Variants in DAG1 observed in about 807,000 individuals in gnomAD.
The protein encoded by DAG1 is dystroglycan 1 (dystrophin-associated glycoprotein 1).
Under a neutral mutation model 46.1 loss-of-function variants are expected in DAG1, and 8 were observed. The ratio of observed to expected loss-of-function variants is 0.17; its 90% confidence interval spans 0.10 to 0.31. DAG1 has a LOEUF of 0.31. DAG1 is among the 10% of genes least tolerant of loss of function. DAG1 has a pLI of 1.00. For missense variants in DAG1, 1,003 were observed against 1,189.9 expected (o/e 0.84, Z 2.31); for synonymous variants, 495 against 481.8 (o/e 1.03, Z -0.36).
At chr3:49,476,617 T>C (rs1419951265) in intron 1 of DAG1, among the ~76,000 whole-genome samples, 1 of 152,166 alleles carries the variant, frequency 6.6e-6, no homozygotes, top group Non-Finnish European at 1.5e-5. Context: ...AAAATACCAC[T>C]GTCTAAAATA....
chr3:49,492,492 A>C (rs1429548795), intron 1 of DAG1, among the ~76,000 whole-genome samples: 1 of 152,008 alleles, frequency 6.6e-6, no homozygotes, highest in Non-Finnish European at 1.5e-5. Flanking sequence ...ACAAAAGATA[A>C]AAAATTAGCC....
chr3:49,495,981 C>G (rs535397913), intron 1 of DAG1, among the ~76,000 whole-genome samples: 1 of 152,104 alleles, frequency 6.6e-6, no homozygotes, highest in South Asian at 2.1e-4. Context: ...GATGGTTTGG[C>G]CTGGTCCTTA....
At chr3:49,477,390 C>G (rs186949628) in intron 1 of DAG1, among the ~76,000 whole-genome samples, 2 of 152,162 alleles carry the variant, frequency 1.3e-5, no homozygotes, top group African/African-American at 2.4e-5. Context: ...CTCCTAGGCT[C>G]AAGCCATCCT....
intron 1 of DAG1, among the ~76,000 whole-genome samples, chr3:49,474,562 T>C: frequency 6.6e-6 from 1 of 151,982 alleles, no homozygotes; most frequent in East Asian, 1.9e-4. Context: ...CCCAGGCTGA[T>C]CTCGAACTCC....
chr3:49,527,411 C>T (rs180950516), intron 2 of DAG1, among the ~76,000 whole-genome samples: 1 of 151,392 alleles, frequency 6.6e-6, no homozygotes, highest in Non-Finnish European at 1.5e-5. Flanking sequence ...GTAGTCCCAG[C>T]TACAGGAGAA....
intron 1 of DAG1, among the ~76,000 whole-genome samples, chr3:49,496,928 A>T (rs2050328438): frequency 6.6e-6 from 1 of 151,004 alleles, no homozygotes; most frequent in South Asian, 2.1e-4. Flanking sequence ...CCTGGCCTAA[A>T]TTTTTTTTTG....
intron 1 of DAG1, among the ~76,000 whole-genome samples, chr3:49,484,115 T>G (rs2049954294): frequency 6.6e-6 from 1 of 152,204 alleles, no homozygotes; most frequent in Non-Finnish European, 1.5e-5. Flanking sequence ...GATTCCTGTC[T>G]GACTCTCTTC....
chr3:49,505,097 C>T (rs1186462210), intron 1 of DAG1, among the ~76,000 whole-genome samples: 1 of 151,408 alleles, frequency 6.6e-6, no homozygotes. Flanking sequence ...TGGGCTCAAG[C>T]GATCCTCCCA....
chr3:49,500,354 T>C (rs565204494), intron 1 of DAG1, among the ~76,000 whole-genome samples: 3 of 152,106 alleles, frequency 2.0e-5, no homozygotes, highest in South Asian at 4.1e-4. Context: ...GTCCCACATA[T>C]CACAACTGGG....
intron 1 of DAG1, among the ~76,000 whole-genome samples, chr3:49,505,311 A>G (rs917850519): frequency 6.6e-6 from 1 of 151,936 alleles, no homozygotes; most frequent in African/African-American, 2.4e-5. Context: ...TATGTTGCCA[A>G]GGCTGGTGTC....
At position 49,531,714 on chromosome 3, in the gene DAG1, T is replaced by A. The variant is rs2051351961; in HGVS notation, c.1203T>A (p.Ile401=). Residue 401 remains isoleucine (I), a synonymous_variant, in exon 3 of 3, where the codon ATT becomes ATA. Coordinates refer to ENST00000308775, the MANE Select transcript of DAG1 (RefSeq NM_004393.6). The surrounding 1 kb of genome is among the most constrained non-coding windows in gnomAD (Gnocchi z 7.0). Reference sequence around the variant, plus strand: ...CTGGCACCACAGTTCCTGGCCAGATTCGCCCAACGATGACCATTCCTGGCT... The same window carrying A: ...CTGGCACCACAGTTCCTGGCCAGATACGCCCAACGATGACCATTCCTGGCT... The part of the protein sequence containing the change: ...SEAGTTVPGQ[I]RPTMTIPGYV... The A allele has an allele frequency of 6.2e-7, 1 of 1,613,782 alleles. No individual in the cohort carries two copies. Among genetic ancestry groups the A allele is most frequent in the Non-Finnish European group, 8.5e-7 (1 of 1,179,946 alleles).
chr3:49,472,607 A>T (rs1056781796), intron 1 of DAG1, among the ~76,000 whole-genome samples: 7 of 152,022 alleles, frequency 4.6e-5, no homozygotes, highest in African/African-American at 1.7e-4. Context: ...GGAGATCGAG[A>T]TCATCCTGGC....
chr3:49,483,450 T>A (rs1310536029), intron 1 of DAG1, among the ~76,000 whole-genome samples: 1 of 152,100 alleles, frequency 6.6e-6, no homozygotes, highest in African/African-American at 2.4e-5. Context: ...ATGATCTGCC[T>A]GCCTCGGCCT....
intron 2 of DAG1, among the ~76,000 whole-genome samples, chr3:49,513,807 A>G (rs1379056859): frequency 6.6e-6 from 1 of 152,196 alleles, no homozygotes; most frequent in Admixed American, 6.5e-5. Flanking sequence ...CTAGATGCTA[A>G]TCTGACCATT....
chr3:49,528,232 T>C (rs1269338278), intron 2 of DAG1, among the ~76,000 whole-genome samples: 1 of 149,344 alleles, frequency 6.7e-6, no homozygotes, highest in Non-Finnish European at 1.5e-5. Flanking sequence ...AACTGAAAAA[T>C]GTAAAGCTTA....
chr3:49,527,624 T>A (rs1174816010), intron 2 of DAG1, among the ~76,000 whole-genome samples: 11 of 145,852 alleles, frequency 7.5e-5, no homozygotes, highest in African/African-American at 2.3e-4. Context: ...AATGGCGTGA[T>A]CCCGGGAGGC....
chr3:49,526,488 C>G (rs1218894683), intron 2 of DAG1, among the ~76,000 whole-genome samples: 1 of 152,086 alleles, frequency 6.6e-6, no homozygotes, highest in Non-Finnish European at 1.5e-5. Flanking sequence ...GCAGCCAGAT[C>G]ACTGGAGGCC....
chr3:49,476,787 T>C (rs2106875692), intron 1 of DAG1: 1 of 152,220 alleles, frequency 6.6e-6, no homozygotes, highest in East Asian at 1.9e-4. Flanking sequence ...AGTTGGTCAG[T>C]GTGGTATAAT....
intron 1 of DAG1, among the ~76,000 whole-genome samples, chr3:49,491,255 C>T (rs967724878): frequency 3.3e-5 from 5 of 151,614 alleles, no homozygotes; most frequent in Admixed American, 6.6e-5. Context: ...AGTGATCCTC[C>T]TGCCTCAGCC....
Sources: gnomAD v4.1 joint callset for allele counts (sites outside exome capture counted in the v4.1 genomes callset) on GRCh38, gnomAD v4.1.1 for gene constraint, Gnocchi (gnomAD v3.1) non-coding constraint, MANE v1.5 for transcripts, NCBI Gene and HGNC (gene_info 2026-07-23, HGNC 2026-07-21) for gene names.